The following PAOX variants were observed in gnomAD, a reference collection of about 807,000 sequenced individuals.
The protein encoded by PAOX is peroxisomal N(1)-acetyl-spermine/spermidine oxidase.
In PAOX, 38 loss-of-function variants were observed where a neutral mutation model predicts 39.0. That is an observed-to-expected ratio of 0.97 (90% CI 0.75 to 1.28). The LOEUF is 1.28. Among genes scored for constraint, PAOX ranks in the 50% most tolerant of loss-of-function variants. PAOX has a pLI of 0.00. For synonymous variants in PAOX, 311 were observed against 314.4 expected (o/e 0.99, Z 0.11); for missense variants, 667 against 685.7 (o/e 0.97, Z 0.30).
At position 133,380,189 on chromosome 10, in the gene PAOX, C is replaced by T; in HGVS notation, c.372C>T (p.Leu124=). 1.9e-6 allele frequency: 3 copies of T among 1,612,508 alleles called. No homozygotes were observed. In the East Asian group the frequency reaches 6.7e-5, roughly 36 times the overall value. Residue 124 remains leucine, a synonymous_variant, in exon 2 of 7, where the codon CTC becomes CTT. Transcript: ENST00000278060. The stretch of plus-strand genomic sequence containing the variant: ...CCAGCTCCGGGGCCAGCGTGAGCCT[C>T]CAGCTGGTGGCGGAGATGGCGACTC... The part of the protein sequence containing the change: ...SYASSGASVS[L]QLVAEMATLF...
intron 5 of PAOX, 37 bp downstream of exon 5, chr10:133,389,105 C>T (rs749155928): frequency 1.2e-4 from 183 of 1,476,426 alleles, no homozygotes; most frequent in Non-Finnish European, 1.6e-4. Flanking sequence ...CCTGCCTCTG[C>T]TCGTTACTGG....
rs1439491002 is a variant in PAOX, at chr10:133,379,275, C to T, written c.-42C>T. 8.3e-7 allele frequency: 1 copy of T among 1,206,526 alleles called. No individual in the cohort carries two copies. The highest frequency in any genetic ancestry group is 1.0e-6 in the Non-Finnish European group (1 of 972,428). The allele number at this position is 1,206,526 out of a possible 1,614,324, so 74.7% of individuals were successfully genotyped here. A position where few individuals can be genotyped will look rare whatever the true frequency, so the allele number is the denominator to read the frequency against. On this transcript the variant is annotated 5_prime_UTR_variant, in exon 1 of 7. Transcript: ENST00000278060. ...CCGGCCTCCTCCGAGAGCTCCAGACCTCCCGGCTACTCAGAAGCCCTCGGA... is the reference window on the plus strand; with the variant it reads ...CCGGCCTCCTCCGAGAGCTCCAGACTTCCCGGCTACTCAGAAGCCCTCGGA...
Position 133,391,383 on chromosome 10 carries a change from G to A in PAOX, c.1464G>A (p.Ser488=), listed in dbSNP as rs765312188. 8.7e-6 allele frequency: 14 copies of A among 1,613,256 alleles called. No homozygotes were observed. Among genetic ancestry groups the A allele is most frequent in the Admixed American group, 6.7e-5 (4 of 60,002 alleles). The change falls in exon 7 of 7, where the codon TCG becomes TCA. Residue 488 remains serine, a synonymous_variant. Coordinates refer to ENST00000278060, the MANE Select transcript of PAOX (RefSeq NM_152911.4). ...FYSTTHGALL[S]GWREADRLLS... The stretch of plus-strand genomic sequence containing the variant: ...CCACGACGCACGGGGCTCTGCTGTC[G>A]GGATGGAGGGAGGCCGACCGCCTCC...
chr10:133,387,679 C>T (rs573967118), intron 4 of PAOX, among the ~76,000 whole-genome samples: 3 of 152,360 alleles, frequency 2.0e-5, no homozygotes, highest in East Asian at 1.9e-4. Context: ...CCGTGCACCA[C>T]GCGCAGCAGG....
Position 133,380,159 on chromosome 10 carries a change from C to T in PAOX, c.342C>T (p.Ser114=), listed in dbSNP as rs1849319728. Residue 114 remains serine (S), a synonymous_variant, in exon 2 of 7, where the codon AGC becomes AGT. Transcript: ENST00000278060. ...GTCACGTGGGCCTGCCCTCCGTGAG[C>T]TACGCCAGCTCCGGGGCCAGCGTGA... is the stretch of plus-strand genomic sequence containing the variant. The part of the protein sequence containing the change: ...TGGHVGLPSV[S]YASSGASVSL... 2.5e-6 allele frequency: 4 copies of T among 1,607,432 alleles called. No homozygotes were observed. In the East Asian group the frequency reaches 8.9e-5, roughly 36 times the overall value.
Position 133,381,455 on chromosome 10 carries a change from T to G in PAOX, c.669-5T>G, listed in dbSNP as rs1849373366. The G allele has an allele frequency of 2.5e-6, 4 of 1,613,454 alleles. No individual in the cohort carries two copies. The Admixed American group carries it at 6.7e-5, about 27-fold the overall frequency. On this transcript the variant is annotated splice_polypyrimidine_tract_variant and splice_region_variant and intron_variant, in intron 2 of 6. Transcript: ENST00000278060. ...TCTACGAAACCAGCACTTCCGTCTT[T>G]CTAGGGGCTATCAAGGACTCACAAA...
chr10:133,391,657 A>G lies in PAOX; in HGVS notation c.*202A>G. 1 of 783,986 alleles carries G rather than the reference A, an allele frequency of 1.3e-6. No homozygotes were observed. The highest frequency in any genetic ancestry group is 2.0e-6 in the Non-Finnish European group (1 of 508,964). The allele number at this position is 783,986 out of a possible 1,614,324, so 48.6% of individuals were successfully genotyped here. A position where few individuals can be genotyped will look rare whatever the true frequency, so the allele number is the denominator to read the frequency against. On this transcript the variant is annotated 3_prime_UTR_variant, in exon 7 of 7. Transcript: ENST00000278060. ...ACTTGAGCTGAGACACCAGATGCTC[A>G]CGGAGATGCTGGACACATAAAGCAA...
intron 1 of PAOX, 154 bp downstream of exon 1, chr10:133,379,651 C>G (rs1849295663): frequency 2.9e-6 from 2 of 680,974 alleles, no homozygotes; most frequent in Admixed American, 4.0e-5. Flanking sequence ...AGTTCACCGC[C>G]CCGAAACTCA....
At chr10:133,389,379 G>A (rs1849607675) in intron 5 of PAOX, among the ~76,000 whole-genome samples, 1 of 152,158 alleles carries the variant, frequency 6.6e-6, no homozygotes, top group Admixed American at 6.5e-5. Flanking sequence ...GTCCCGGCCC[G>A]CTGCTGTCGG....
Position 133,380,131 on chromosome 10 carries a change from G to A in PAOX, c.314G>A (p.Gly105Glu). ...LSQENQLVET[G>E]GHVGLPSVSY... ...CAGGAGAACCAGCTGGTGGAGACCG[G>A]GGGTCACGTGGGCCTGCCCTCCGTG... is the stretch of plus-strand genomic sequence containing the variant. The change falls in exon 2 of 7, where the codon GGG becomes GAG. Residue 105 changes from glycine (G) to glutamate (E), a missense_variant. Coordinates refer to ENST00000278060, the MANE Select transcript of PAOX (RefSeq NM_152911.4). The A allele has an allele frequency of 6.3e-7, 1 of 1,587,310 alleles. No homozygotes were observed. The highest frequency in any genetic ancestry group is 1.1e-5 in the South Asian group (1 of 87,148).
chr10:133,379,457 G>C lies in PAOX; in HGVS notation c.141G>C (p.Thr47=), dbSNP rs969857197. The C allele has an allele frequency of 4.9e-6, 6 of 1,225,024 alleles. No homozygotes were observed. The African/African-American group carries it at 9.4e-5, about 19-fold the overall frequency. 75.9% of individuals were successfully genotyped at this position (1,225,024 alleles called of 1,614,324 possible). The change falls in exon 1 of 7, where the codon ACG becomes ACC. Residue 47 remains threonine (T), a synonymous_variant. Coordinates refer to ENST00000278060, the MANE Select transcript of PAOX (RefSeq NM_152911.4). ...CGCACCTGCGGGTCCTGGAGGCCAC[G>C]GCCCGCGCCGGGGGCCGCATCCGCT... ...AFPHLRVLEA[T]ARAGGRIRSE...
At chr10:133,388,104 C>A (rs1407106700) in intron 4 of PAOX, among the ~76,000 whole-genome samples, 3 of 152,136 alleles carry the variant, frequency 2.0e-5, no homozygotes, top group Non-Finnish European at 4.4e-5. Flanking sequence ...CAAGGACATT[C>A]TCAAGTGAAA....
intron 4 of PAOX, among the ~76,000 whole-genome samples, chr10:133,385,059 G>T (rs1473553427): frequency 6.6e-6 from 1 of 152,206 alleles, no homozygotes; most frequent in African/African-American, 2.4e-5. Context: ...ACTTTGGGAG[G>T]CTGAGGCGGG....
intron 2 of PAOX, 69 bp downstream of exon 2, chr10:133,380,554 C>T (rs1849338441): frequency 6.7e-7 from 1 of 1,496,470 alleles, no homozygotes; most frequent in Non-Finnish European, 8.9e-7. Flanking sequence ...GCTGGCTGAG[C>T]TCCGCTCTTG....
At chr10:133,379,695 G>T in intron 1 of PAOX, 198 bp downstream of exon 1, 1 of 562,850 alleles carries the variant, frequency 1.8e-6, no homozygotes, top group Non-Finnish European at 2.7e-6. Flanking sequence ...CGCCGGCCAG[G>T]GAAGGCGACC....
intron 5 of PAOX, 140 bp downstream of exon 5, chr10:133,389,208 T>G (rs1849604649): frequency 5.6e-6 from 4 of 719,780 alleles, no homozygotes; most frequent in Non-Finnish European, 7.4e-6. Flanking sequence ...TTCCTCATGT[T>G]AGTGGGGTCA....
intron 4 of PAOX, among the ~76,000 whole-genome samples, chr10:133,387,650 G>A (rs1046350369): frequency 2.0e-5 from 3 of 152,248 alleles, no homozygotes; most frequent in African/African-American, 7.2e-5. Flanking sequence ...GCGTGTGCTA[G>A]GTGAGTCCTC....
chr10:133,381,036 T>C (rs985104196), intron 2 of PAOX, among the ~76,000 whole-genome samples: 1 of 152,216 alleles, frequency 6.6e-6, no homozygotes, highest in Non-Finnish European at 1.5e-5. Flanking sequence ...TATGAGGGGC[T>C]TCAACTGCAG....
intron 3 of PAOX, among the ~76,000 whole-genome samples, chr10:133,383,495 T>C (rs1480511419): frequency 3.3e-5 from 5 of 150,122 alleles, no homozygotes; most frequent in African/African-American, 1.2e-4. Context: ...CCCAGCTATT[T>C]GGGAAGCTGA....
Sources: allele counts gnomAD v4.1 joint callset (sites outside exome capture counted in the v4.1 genomes callset), GRCh38; gene constraint gnomAD v4.1.1; transcripts MANE v1.5; gene names NCBI Gene and HGNC (gene_info 2026-07-23, HGNC 2026-07-21).